The following RBFOX1 variants were observed in gnomAD, a reference collection of about 807,000 sequenced individuals.
RBFOX1 encodes RNA binding fox-1 homolog 1.
RBFOX1 carries 8 observed loss-of-function variants against 57.7 expected under a neutral mutation model. The ratio of observed to expected loss-of-function variants is 0.14; its 90% CI spans 0.08 to 0.25. The LOEUF (loss-of-function observed/expected upper bound fraction) is 0.25. Among genes scored for constraint, RBFOX1 ranks in the 10% least tolerant of loss-of-function variants. The pLI is 1.00. For synonymous variants in RBFOX1, 326 were observed against 222.4 expected (o/e 1.47, Z -4.15); for missense variants, 611 against 548.5 (o/e 1.11, Z -1.14).
chr16:6,651,465 C>T (rs1038222072), intron 2 of RBFOX1, among the ~76,000 whole-genome samples: 1 of 152,162 alleles, frequency 6.6e-6, no homozygotes, highest in African/African-American at 2.4e-5. Context: ...ATTTTTCTCC[C>T]TACTTAAATT....
At chr16:6,411,400 C>G (rs1840232120) in intron 2 of RBFOX1, among the ~76,000 whole-genome samples, 2 of 152,294 alleles carry the variant, frequency 1.3e-5, no homozygotes, top group South Asian at 2.1e-4. Flanking sequence ...TTTGTGTATT[C>G]CCGATGAACA....
At chr16:6,795,641 C>T (rs1421159546) in intron 3 of RBFOX1, among the ~76,000 whole-genome samples, 2 of 151,948 alleles carry the variant, frequency 1.3e-5, no homozygotes, top group Non-Finnish European at 2.9e-5. Context: ...TTGGGGGTGC[C>T]TGTAATCCCA....
intron 1 of RBFOX1, among the ~76,000 whole-genome samples, chr16:5,247,905 T>C (rs367760478): frequency 2.0e-5 from 3 of 152,204 alleles, no homozygotes; most frequent in East Asian, 3.8e-4. Flanking sequence ...TGCAGGTCTT[T>C]GGTATCAGGG....
chr16:6,483,732 T>G (rs2153101729), intron 2 of RBFOX1: 15 of 1,421,680 alleles, frequency 1.1e-5, no homozygotes, highest in Non-Finnish European at 1.4e-5. Flanking sequence ...TTGACATTTT[T>G]GGCTGCCTGT....
At chr16:5,546,070 A>G (rs1192326569) in intron 2 of RBFOX1, among the ~76,000 whole-genome samples, 1 of 152,186 alleles carries the variant, frequency 6.6e-6, no homozygotes, top group Non-Finnish European at 1.5e-5. Context: ...ACTATCTGTA[A>G]TACTATCAAA....
At chr16:5,454,629 G>A (rs181030253) in intron 1 of RBFOX1, among the ~76,000 whole-genome samples, 21 of 152,246 alleles carry the variant, frequency 1.4e-4, no homozygotes, top group Admixed American at 5.9e-4. Flanking sequence ...TTGAACTATG[G>A]CATCTACTCT....
chr16:5,699,947 C>A (rs1434599870), intron 3 of RBFOX1, among the ~76,000 whole-genome samples: 1 of 152,136 alleles, frequency 6.6e-6, no homozygotes, highest in Non-Finnish European at 1.5e-5. Context: ...CATTCTCCTG[C>A]TCAGCCTCCT....
chr16:5,735,466 G>C (rs550443486), intron 3 of RBFOX1, among the ~76,000 whole-genome samples: 1 of 152,308 alleles, frequency 6.6e-6, no homozygotes, highest in African/African-American at 2.4e-5. Flanking sequence ...GGCTGTTGAG[G>C]ACATCTGTTT....
At chr16:5,624,449 G>A (rs569322487) in intron 3 of RBFOX1, among the ~76,000 whole-genome samples, 58 of 152,258 alleles carry the variant, frequency 3.8e-4, no homozygotes, top group African/African-American at 1.3e-3. Context: ...CGCCCGCCTC[G>A]GCCTCCCAAA....
intron 3 of RBFOX1, among the ~76,000 whole-genome samples, chr16:6,857,554 C>G (rs914175097): frequency 1.3e-5 from 2 of 152,150 alleles, no homozygotes; most frequent in African/African-American, 2.4e-5. Context: ...GACTACAATT[C>G]AAGGCTGCTT....
At chr16:7,028,711 A>G (rs1459026940) in intron 3 of RBFOX1, among the ~76,000 whole-genome samples, 1 of 151,724 alleles carries the variant, frequency 6.6e-6, no homozygotes, top group African/African-American at 2.4e-5. Context: ...CCAACTGTGA[A>G]TTATTGCAGG....
chr16:5,677,194 C>T lies in RBFOX1; in HGVS notation c.318+78233C>T, dbSNP rs148747608. Among the ~76,000 whole-genome samples, 393 of 152,312 alleles carry T rather than the reference C, an allele frequency of 2.6e-3. 13 individuals carry two copies. The East Asian group carries it at 0.072, about 28-fold the overall frequency. ...ACTATGACAGCTTCTCTTGCTCTAT[C>T]TTTCTAAAAGACCAGAGATACCAAT... On this transcript the variant is annotated intron_variant, in intron 3 of 19. Transcript: ENST00000641259.
chr16:7,710,287 C>G, intron 15 of RBFOX1: 3 of 1,131,390 alleles, frequency 2.7e-6, no homozygotes, highest in Non-Finnish European at 3.2e-6. Flanking sequence ...TTACATTCAA[C>G]AACTGGTCCA....
chr16:5,974,420 C>G (rs934761142), intron 4 of RBFOX1, among the ~76,000 whole-genome samples: 1 of 151,802 alleles, frequency 6.6e-6, no homozygotes, highest in African/African-American at 2.4e-5. Context: ...ACCAGCCTGG[C>G]CAACATGGTG....
intron 2 of RBFOX1, among the ~76,000 whole-genome samples, chr16:6,517,357 T>A (rs2096400859): frequency 6.6e-6 from 1 of 152,210 alleles, no homozygotes. Context: ...CATCTGTGTT[T>A]GGGGCAAAAC....
chr16:6,822,234 A>G (rs1222063282), intron 3 of RBFOX1, among the ~76,000 whole-genome samples: 2 of 152,264 alleles, frequency 1.3e-5, no homozygotes, highest in East Asian at 1.9e-4. Flanking sequence ...GGTATGGCAG[A>G]TTTCCCTTGA....
chr16:6,785,225 C>G (rs1321858246), intron 3 of RBFOX1, among the ~76,000 whole-genome samples: 2 of 152,088 alleles, frequency 1.3e-5, no homozygotes, highest in Non-Finnish European at 2.9e-5. Flanking sequence ...TTGAGGGAAT[C>G]TCCCAGTCCG....
intron 1 of RBFOX1, among the ~76,000 whole-genome samples, chr16:6,047,814 G>A (rs1322922059): frequency 1.3e-5 from 2 of 152,148 alleles, no homozygotes; most frequent in Admixed American, 1.3e-4. Flanking sequence ...AGAGCAGCAT[G>A]GAGGGTATAC....
chr16:6,918,366 A>G (rs1363313693), intron 3 of RBFOX1, among the ~76,000 whole-genome samples: 4 of 151,948 alleles, frequency 2.6e-5, no homozygotes, highest in Non-Finnish European at 5.9e-5. Flanking sequence ...GCCATTGTTT[A>G]TGAATTTTTA....
Sources: allele counts gnomAD v4.1 joint callset (sites outside exome capture counted in the v4.1 genomes callset), GRCh38; gene constraint gnomAD v4.1.1; transcripts MANE v1.5; gene names NCBI Gene and HGNC (gene_info 2026-07-23, HGNC 2026-07-21).